The following CLSPN variants were observed in gnomAD, a reference collection of about 807,000 sequenced individuals.
The protein encoded by CLSPN is claspin homolog.
A neutral mutation model predicts 156.3 loss-of-function variants in CLSPN; 85 were observed. The ratio of observed to expected loss-of-function variants is 0.54; its 90% CI spans 0.46 to 0.65. The LOEUF is 0.65. Among genes scored for constraint, CLSPN ranks in the 30% least tolerant of loss-of-function variants. The pLI is 0.00. For missense variants in CLSPN, 1,407 were observed against 1,554.9 expected (o/e 0.90, Z 1.60); for synonymous variants, 534 against 542.4 (o/e 0.98, Z 0.22).
At chr1:35,737,196 A>C in intron 23 of CLSPN, 121 bp from the exon 24 acceptor site, 1 of 1,238,880 alleles carries the variant, frequency 8.1e-7, no homozygotes, top group Admixed American at 2.0e-5. Context: ...TTCAAATAGA[A>C]AAGAAATAGC....
In CLSPN at chr1:35,737,057, G is replaced by T; in HGVS notation, c.3766C>A (p.Leu1256Ile). 1 of 1,614,128 alleles carries T rather than the reference G, an allele frequency of 6.2e-7. No individual in the cohort carries two copies. Among genetic ancestry groups the T allele is most frequent in the Non-Finnish European group, 8.5e-7 (1 of 1,180,008 alleles). ...TGAAGCACAGCTTTGGGCTGGTTTA[G>T]CAGTGAGCCTGTCTTCACCTGAGGA... ...SAQQVKTGSL[L>I]NQPKAVLQKL... Residue 1256 changes from leucine (L) to isoleucine (I), a missense_variant, in exon 24 of 25, where the codon CTA becomes ATA. By Grantham distance (5) the Leu-to-Ile change is conservative. Around this residue, in one of 3 missense-constraint regions of CLSPN, gnomAD observed 241 missense variants for 240.5 expected, o/e 1.00. Coordinates refer to ENST00000318121, the MANE Select transcript of CLSPN (RefSeq NM_022111.4).
chr1:35,752,582 G>T (rs1364489877), intron 9 of CLSPN, among the ~76,000 whole-genome samples: 1 of 67,880 alleles, frequency 1.5e-5, no homozygotes, highest in Non-Finnish European at 2.9e-5. Context: ...TGTCTTAGAG[G>T]AAAAAAAAAA....
At chr1:35,767,755 C>T (rs1642721741) in intron 1 of CLSPN, among the ~76,000 whole-genome samples, 1 of 152,168 alleles carries the variant, frequency 6.6e-6, no homozygotes, top group Admixed American at 6.5e-5. Context: ...ATTCAAAACG[C>T]TTCTGGTCCC....
Position 35,739,021 on chromosome 1 carries a change from G to A in CLSPN, c.3430+115C>T, listed in dbSNP as rs1256746364. 8.0e-6 allele frequency: 10 copies of A among 1,244,248 alleles called. No homozygotes were observed. In the East Asian group the frequency reaches 1.5e-4, roughly 18 times the overall value. 77.1% of individuals were successfully genotyped at this position (1,244,248 alleles called of 1,614,324 possible). A position where few individuals can be genotyped will look rare whatever the true frequency, so the allele number is the denominator to read the frequency against. ...TCACCATGTTGTTCAGGCTGGTCCTGAACTCCTGACCTTGTGATCCACCTG... is the reference window on the plus strand; with the variant it reads ...TCACCATGTTGTTCAGGCTGGTCCTAAACTCCTGACCTTGTGATCCACCTG... On this transcript the variant is annotated intron_variant, in intron 20 of 24. Transcript: ENST00000318121.
Position 35,739,207 on chromosome 1 carries a change from C to G in CLSPN, c.3359G>C (p.Arg1120Thr), listed in dbSNP as rs770320640. ...GTGCAGATCCCCATCAGCAAGGTAC[C>G]TCTCTTGGTATAAACGTAGCTGTCG... is the stretch of plus-strand genomic sequence containing the variant. ...DKRQLRLYQE[R>T]YLADGDLHSD... Residue 1120 changes from arginine to threonine, a missense_variant, in exon 20 of 25, where the codon AGG becomes ACG. Arg to Thr is a moderately conservative substitution (Grantham distance 71, BLOSUM62 -1). Transcript: ENST00000318121. The G allele has an allele frequency of 5.0e-6, 8 of 1,614,098 alleles. No individual in the cohort carries two copies. The highest frequency in any genetic ancestry group is 6.8e-6 in the Non-Finnish European group (8 of 1,180,046).
At position 35,720,948 on chromosome 1, in the gene CLSPN, G is replaced by A. The variant is rs773702250; in HGVS notation, c.3942C>T (p.Thr1314=). 4 of 1,612,020 alleles carry A rather than the reference G, an allele frequency of 2.5e-6. No homozygotes were observed. The Admixed American group carries it at 6.7e-5, about 27-fold the overall frequency. The change falls in exon 25 of 25, where the codon ACC becomes ACT. Residue 1314 remains threonine, a synonymous_variant. Coordinates refer to the CLSPN transcript ENST00000251195. Reference sequence around the variant, plus strand: ...ATCCAGGGATAGGAGCTCCACTCCAGGTGAGCCAGTCAGAGTCCTTCTCTG... The same window carrying A: ...ATCCAGGGATAGGAGCTCCACTCCAAGTGAGCCAGTCAGAGTCCTTCTCTG...
In CLSPN at chr1:35,733,157, G is replaced by A. The variant is rs980587199; in HGVS notation, c.*3339C>T. Among the ~76,000 whole-genome samples the A allele has an allele frequency of 3.3e-5, 5 of 151,626 alleles. No individual in the cohort carries two copies. Among genetic ancestry groups the A allele is most frequent in the African/African-American group, 4.8e-5 (2 of 41,274 alleles). On this transcript the variant is annotated 3_prime_UTR_variant, in exon 25 of 25. Transcript: ENST00000318121. ...TGATTTTTGTATTTTTAGTAGAGAC[G>A]GGGTTTCACCTTGTTGGTCAGTCTG...
intron 8 of CLSPN, among the ~76,000 whole-genome samples, chr1:35,756,443 T>C (rs1215156264): frequency 6.6e-6 from 1 of 152,182 alleles, no homozygotes; most frequent in Admixed American, 6.5e-5. Flanking sequence ...GAGCAACCAC[T>C]TTCTTTGGCC....
At chr1:35,728,471 T>G (rs1352925433), downstream of CLSPN, among the ~76,000 whole-genome samples, 2 of 152,206 alleles carry the variant, frequency 1.3e-5, no homozygotes, top group Non-Finnish European at 2.9e-5. Context: ...CTTCCCTGGA[T>G]AGTCAATGGA....
intron 16 of CLSPN, among the ~76,000 whole-genome samples, 175 bp downstream of exon 16, chr1:35,745,276 T>C (rs1641838246): frequency 6.6e-6 from 1 of 152,220 alleles, no homozygotes; most frequent in African/African-American, 2.4e-5. Context: ...TTTCATATTC[T>C]TGCCTTTTTT....
intron 24 of CLSPN, among the ~76,000 whole-genome samples, chr1:35,724,821 A>C (rs928748184): frequency 6.6e-6 from 1 of 152,138 alleles, no homozygotes; most frequent in African/African-American, 2.4e-5. Flanking sequence ...TTGGGAAAGG[A>C]AGGCCTAGGA....
chr1:35,731,187 G>A (rs1174268051), downstream of CLSPN, among the ~76,000 whole-genome samples: 4 of 148,608 alleles, frequency 2.7e-5, no homozygotes, highest in Admixed American at 2.7e-4. Context: ...GCGACAGGGC[G>A]AGACTCTGTC....
chr1:35,766,413 A>C (rs1642676584), intron 1 of CLSPN, among the ~76,000 whole-genome samples: 1 of 151,844 alleles, frequency 6.6e-6, no homozygotes. Context: ...CTATATATTT[A>C]TATATGTATG....
downstream of CLSPN, among the ~76,000 whole-genome samples, chr1:35,728,733 G>A (rs1310846733): frequency 6.6e-6 from 1 of 152,130 alleles, no homozygotes; most frequent in Non-Finnish European, 1.5e-5. Flanking sequence ...TTCTTCTATA[G>A]CCCTGATGGG....
In CLSPN at chr1:35,733,574, C is replaced by T. The variant is rs1557496367; in HGVS notation, c.*2922G>A. The T allele has an allele frequency of 2.0e-6, 2 of 985,408 alleles. No individual in the cohort carries two copies. The highest frequency in any genetic ancestry group is 2.4e-6 in the Non-Finnish European group (2 of 829,926). The allele number at this position is 985,408 out of a possible 1,614,324, so 61.0% of individuals were successfully genotyped here. A position where few individuals can be genotyped will look rare whatever the true frequency, so the allele number is the denominator to read the frequency against. ...GTTCTCTTTTGCCCAGCAAGGGCTA[C>T]TTTGCCTTGGGAACTGTTTAGAGAG... On this transcript the variant is annotated 3_prime_UTR_variant, in exon 25 of 25. Coordinates refer to ENST00000318121, the MANE Select transcript of CLSPN (RefSeq NM_022111.4).
intron 8 of CLSPN, among the ~76,000 whole-genome samples, chr1:35,755,648 CCA>C (rs751384679): frequency 1.3e-5 from 2 of 152,076 alleles, no homozygotes; most frequent in Non-Finnish European, 2.9e-5. Context: ...CTGAAATGAT[CCA>C]CCCTCCTCAG....
chr1:35,738,100 G>GGA lies in CLSPN; in HGVS notation c.3559-4_3559-3insTC, dbSNP rs755755409. On this transcript the variant is annotated splice_region_variant and splice_polypyrimidine_tract_variant and intron_variant, in intron 21 of 24. Coordinates refer to ENST00000318121, the MANE Select transcript of CLSPN (RefSeq NM_022111.4). ...GCTGTAATTTTCCCCTGCTGTGCCT[G>GGA]AAAAAAAAAAAAAATATATATATAT... The GGA allele has an allele frequency of 3.4e-5, 12 of 355,770 alleles. No homozygotes were observed. The highest frequency in any genetic ancestry group is 4.4e-5 in the Non-Finnish European group (11 of 249,746). The allele number at this position is 355,770 out of a possible 1,614,324, so 22.0% of individuals were successfully genotyped here. A position where few individuals can be genotyped will look rare whatever the true frequency, so the allele number is the denominator to read the frequency against.
chr1:35,735,918 G>A lies in CLSPN; in HGVS notation c.*578C>T. On this transcript the variant is annotated 3_prime_UTR_variant, in exon 25 of 25. Coordinates refer to ENST00000318121, the MANE Select transcript of CLSPN (RefSeq NM_022111.4). ...AATAAAATGTCAAATGTCTAATGGAGGAAGTGAAACCTAACCCAAGGCCAG... is the reference window on the plus strand; with the variant it reads ...AATAAAATGTCAAATGTCTAATGGAAGAAGTGAAACCTAACCCAAGGCCAG... The A allele has an allele frequency of 1.0e-6, 1 of 985,262 alleles. No homozygotes were observed. Among genetic ancestry groups the A allele is most frequent in the Non-Finnish European group, 1.2e-6 (1 of 829,900 alleles). The allele number at this position is 985,262 out of a possible 1,614,324, so 61.0% of individuals were successfully genotyped here.
rs150515436 is a variant in CLSPN, at chr1:35,738,704, C to T, written c.3431-122G>A. On this transcript the variant is annotated intron_variant, in intron 20 of 24. Coordinates refer to ENST00000318121, the MANE Select transcript of CLSPN (RefSeq NM_022111.4). ...GATGTAAACTTTTCCCATCCATTAA[C>T]AGAAAACAGTTACAACTAGGTCTTC... The T allele has an allele frequency of 4.3e-4, 429 of 999,330 alleles. 4 individuals are homozygous for T. In the African/African-American group the frequency reaches 5.2e-3, roughly 12 times the overall value. 61.9% of individuals were successfully genotyped at this position (999,330 alleles called of 1,614,324 possible).
Sources: gnomAD v4.1 joint callset for allele counts (sites outside exome capture counted in the v4.1 genomes callset) on GRCh38, gnomAD v4.1.1 for gene constraint, gnomAD v4.1.1 regional missense constraint, MANE v1.5 for transcripts, NCBI Gene and HGNC (gene_info 2026-07-23, HGNC 2026-07-21) for gene names.